The following TMTC3 variants were observed in gnomAD, a reference collection of about 807,000 sequenced individuals.
The protein encoded by TMTC3 is protein O-mannosyl-transferase TMTC3.
Under a neutral mutation model 92.2 loss-of-function variants are expected in TMTC3, and 52 were observed. The observed-to-expected ratio is 0.56, with a 90% CI of 0.45 to 0.71. The LOEUF (loss-of-function observed/expected upper bound fraction) is 0.71, where lower values mean the gene tolerates loss of function less well. TMTC3 is among the 30% of genes least tolerant of loss of function. The probability of loss-of-function intolerance (pLI) is 0.00; values close to 1 mark genes in which losing one functional copy is unlikely to be tolerated. For synonymous variants in TMTC3, 339 were observed against 363.3 expected, an observed-to-expected ratio of 0.93 and a Z score of 0.76; for missense variants, 896 against 1,057.1, an observed-to-expected ratio of 0.85 and a Z score of 2.11.
chr12:88,172,701 C>A lies in TMTC3; in HGVS notation c.1155C>A (p.Phe385Leu). 6.2e-7 allele frequency: 1 copy of A among 1,600,552 alleles called. No individual in the cohort carries two copies. The highest frequency in any genetic ancestry group is 8.5e-7 in the Non-Finnish European group (1 of 1,174,746). ...ERVLYVPSMGFCILVAHGWQK... is the reference protein window; with the variant it reads ...ERVLYVPSMGLCILVAHGWQK... ...TATTATATGTTCCCAGCATGGGGTT[C>A]TGTATTTTGGTAGCCCATGGATGGC... is the stretch of plus-strand genomic sequence containing the variant. The change falls in exon 8 of 14, where the codon TTC (phenylalanine) becomes TTA (leucine). Residue 385 changes from phenylalanine to leucine, a missense_variant. Phe to Leu is a conservative substitution (Grantham distance 22). Transcript: ENST00000266712.
chr12:88,187,178 A>AAAG (rs1555234286), intron 10 of TMTC3, among the ~76,000 whole-genome samples: 5 of 150,702 alleles, frequency 3.3e-5, no homozygotes, highest in African/African-American at 9.8e-5. Context: ...AAAAAAAAAA[A>AAAG]AAAAGATATA....
chr12:88,159,333 A>C (rs2041048524), intron 4 of TMTC3, among the ~76,000 whole-genome samples: 3 of 152,094 alleles, frequency 2.0e-5, no homozygotes, highest in Admixed American at 2.0e-4. Context: ...TTTTTTGAAG[A>C]ATAGTATTTA....
At chr12:88,173,221 T>A in intron 8 of TMTC3, 1 of 505,712 alleles carries the variant, frequency 2.0e-6, no homozygotes. Flanking sequence ...AACAGCATAG[T>A]CACACTGTAT....
chr12:88,163,249 A>G (rs1276977678), intron 6 of TMTC3, among the ~76,000 whole-genome samples: 3 of 152,162 alleles, frequency 2.0e-5, no homozygotes, highest in Admixed American at 2.0e-4. Context: ...TTGTGGGACC[A>G]CAATAGCATT....
At chr12:88,143,775 C>T (rs2040826327) in intron 1 of TMTC3, among the ~76,000 whole-genome samples, 1 of 152,098 alleles carries the variant, frequency 6.6e-6, no homozygotes, top group African/African-American at 2.4e-5. Flanking sequence ...TCCTGGATCT[C>T]GCCAAGAAAG....
chr12:88,184,112 C>T (rs1014581083), intron 10 of TMTC3, among the ~76,000 whole-genome samples: 6 of 152,078 alleles, frequency 3.9e-5, no homozygotes, highest in Non-Finnish European at 8.8e-5. Flanking sequence ...TGCGTGACAG[C>T]GTGGCTAGGG....
At chr12:88,184,878 A>T (rs992034893) in intron 10 of TMTC3, among the ~76,000 whole-genome samples, 1 of 152,172 alleles carries the variant, frequency 6.6e-6, no homozygotes, top group Admixed American at 6.5e-5. Flanking sequence ...AAAAGGGCAT[A>T]GAGATTAGAA....
intron 1 of TMTC3, among the ~76,000 whole-genome samples, chr12:88,143,390 A>G (rs1326571247): frequency 6.6e-6 from 1 of 152,186 alleles, no homozygotes; most frequent in Non-Finnish European, 1.5e-5. Flanking sequence ...GCCAAATACT[A>G]TTCATTATCT....
chr12:88,146,591 TTGTG>T (rs147128254), intron 1 of TMTC3, among the ~76,000 whole-genome samples: 1 of 143,070 alleles, frequency 7.0e-6, no homozygotes, highest in Non-Finnish European at 1.5e-5. Flanking sequence ...ACCTATATAT[TTGTG>T]TGTGTGTGTG....
Position 88,195,336 on chromosome 12 carries a change from T to A in TMTC3, c.2432T>A (p.Leu811Ter), listed in dbSNP as rs1402275965. ...CATGAAGAATATATTCAGCGCCATT[T>A]GAATATAGTCAGGGATAAGATTTCC... ...APHEEYIQRH[L>*]NIVRDKISSS... is the part of the protein sequence containing the mutation. The change falls in exon 14 of 14, where the codon TTG (leucine) becomes TAG (stop). Residue 811 changes from leucine to a stop codon, truncating the protein, a stop_gained. Coordinates refer to ENST00000266712, the MANE Select transcript of TMTC3 (RefSeq NM_181783.4). LOFTEE classifies it high-confidence loss of function. The A allele has an allele frequency of 6.2e-7, 1 of 1,613,858 alleles. No individual in the cohort carries two copies. The highest frequency in any genetic ancestry group is 8.5e-7 in the Non-Finnish European group (1 of 1,179,928).
At chr12:88,175,401 A>G (rs534889343) in intron 9 of TMTC3, among the ~76,000 whole-genome samples, 102 of 152,216 alleles carry the variant, frequency 6.7e-4, no homozygotes, top group African/African-American at 2.3e-3. Context: ...CTGAATTTTT[A>G]CTTCCTTTGG....
intron 4 of TMTC3, 118 bp downstream of exon 4, chr12:88,154,505 G>A: frequency 3.6e-6 from 2 of 557,918 alleles, no homozygotes; most frequent in Admixed American, 3.7e-5. Flanking sequence ...TTATCTTTAT[G>A]TATTGTTTTA....
At position 88,172,744 on chromosome 12, in the gene TMTC3, AG is replaced by A; in HGVS notation, c.1199+1del. 6.3e-7 allele frequency: 1 copy of A among 1,592,406 alleles called. No individual in the cohort carries two copies. The highest frequency in any genetic ancestry group is 8.5e-7 in the Non-Finnish European group (1 of 1,172,902). On this transcript the variant is annotated frameshift_variant and splice_region_variant, in exon 8 of 14. Coordinates refer to ENST00000266712, the MANE Select transcript of TMTC3 (RefSeq NM_181783.4). LOFTEE classifies it high-confidence loss of function. ...AHGWQKISTK[S>X]VFKKLSWICL... is the part of the protein sequence containing the mutation. The stretch of plus-strand genomic sequence containing the variant: ...TGGATGGCAGAAAATATCAACAAAA[AG>A]GTGAATTTAAATGTCAGTTCATGTA...
chr12:88,173,315 T>C (rs543865447), intron 8 of TMTC3, among the ~76,000 whole-genome samples: 1 of 152,090 alleles, frequency 6.6e-6, no homozygotes, highest in South Asian at 2.1e-4. Flanking sequence ...ATCAAGCAAA[T>C]TGTTAAAGGT....
At chr12:88,157,331 T>C (rs181399023) in intron 4 of TMTC3, among the ~76,000 whole-genome samples, 6 of 151,836 alleles carry the variant, frequency 4.0e-5, no homozygotes, top group African/African-American at 1.2e-4. Context: ...GTATCTAGTA[T>C]ACACTGGCCT....
intron 9 of TMTC3, 99 bp from the exon 10 acceptor site, chr12:88,176,109 A>T (rs374552235): frequency 2.3e-5 from 18 of 786,222 alleles, no homozygotes; most frequent in East Asian, 1.7e-4. Flanking sequence ...ACATTTCCAT[A>T]GAACATTATT....
At position 88,195,179 on chromosome 12, in the gene TMTC3, T is replaced by G; in HGVS notation, c.2275T>G (p.Cys759Gly). The G allele has an allele frequency of 6.2e-7, 1 of 1,613,794 alleles. No homozygotes were observed. Among genetic ancestry groups the G allele is most frequent in the Non-Finnish European group, 8.5e-7 (1 of 1,179,914 alleles). ...QKKDILGAKK[C>G]FERILEMDPS... ...GAAAGATATACTAGGAGCAAAAAAA[T>G]GTTTTGAAAGGATTTTGGAGATGGA... The change falls in exon 14 of 14, where the codon TGT (cysteine) becomes GGT (glycine). Residue 759 changes from cysteine (C) to glycine (G), a missense_variant. Transcript: ENST00000266712.
intron 5 of TMTC3, 59 bp from the exon 6 acceptor site, chr12:88,160,620 A>G (rs1162412664): frequency 5.6e-6 from 8 of 1,440,610 alleles, no homozygotes; most frequent in South Asian, 1.2e-5. Flanking sequence ...GTACTACAGT[A>G]TTGAAAACAT....
chr12:88,157,842 T>C (rs1305859712), intron 4 of TMTC3, among the ~76,000 whole-genome samples: 1 of 152,180 alleles, frequency 6.6e-6, no homozygotes, highest in African/African-American at 2.4e-5. Context: ...AGTGTTTATA[T>C]AGTAATATAG....
Sources: allele counts gnomAD v4.1 joint callset (sites outside exome capture counted in the v4.1 genomes callset), GRCh38; gene constraint gnomAD v4.1.1; transcripts MANE v1.5; gene names NCBI Gene and HGNC (gene_info 2026-07-23, HGNC 2026-07-21).